The following DMRT1 variants were observed in gnomAD, a reference collection of about 807,000 sequenced individuals.
The protein encoded by DMRT1 is doublesex- and mab-3-related transcription factor 1.
A neutral mutation model predicts 32.3 loss-of-function variants in DMRT1; 7 were observed. The ratio of observed to expected loss-of-function variants is 0.22; its 90% CI spans 0.12 to 0.41. The LOEUF is 0.41. Among genes scored for constraint, DMRT1 ranks in the 10% least tolerant of loss-of-function variants. The pLI is 1.00. For synonymous variants in DMRT1, 278 were observed against 206.1 expected, an observed-to-expected ratio of 1.35 and a Z score of -2.99; for missense variants, 625 against 500.5, an observed-to-expected ratio of 1.25 and a Z score of -2.37.
chr9:885,922 A>G (rs944621703), intron 2 of DMRT1, among the ~76,000 whole-genome samples: 2 of 152,164 alleles, frequency 1.3e-5, no homozygotes, highest in Admixed American at 6.5e-5. Flanking sequence ...GCTTTCTGTT[A>G]TTATTCATTA....
intron 3 of DMRT1, 70 bp downstream of exon 3, chr9:894,265 A>T: frequency 6.7e-7 from 1 of 1,497,848 alleles, no homozygotes; most frequent in Admixed American, 1.7e-5. Context: ...ACACATGCAC[A>T]TACACACAGA....
chr9:844,595 TC>T (rs1263727489), intron 1 of DMRT1, among the ~76,000 whole-genome samples: 1 of 152,124 alleles, frequency 6.6e-6, no homozygotes, highest in African/African-American at 2.4e-5. Flanking sequence ...GATGAATTTT[TC>T]TAAGTCGAAG....
At chr9:843,120 G>A (rs972663923) in intron 1 of DMRT1, among the ~76,000 whole-genome samples, 4 of 152,226 alleles carry the variant, frequency 2.6e-5, no homozygotes, top group African/African-American at 7.2e-5. Context: ...AGCGTCCCCA[G>A]AATCTCTGAC....
intron 4 of DMRT1, among the ~76,000 whole-genome samples, chr9:923,499 A>T (rs1407766010): frequency 6.6e-6 from 1 of 152,060 alleles, no homozygotes; most frequent in Non-Finnish European, 1.5e-5. Flanking sequence ...ATGGTGTCTG[A>T]TGTGCAAACA....
At chr9:962,273 A>T (rs550921864) in intron 4 of DMRT1, among the ~76,000 whole-genome samples, 88 of 152,126 alleles carry the variant, frequency 5.8e-4, no homozygotes, top group African/African-American at 2.0e-3. Context: ...CAGTGGGAGG[A>T]AAGTTCCCAC....
chr9:911,256 T>G (rs1325842398), intron 3 of DMRT1, among the ~76,000 whole-genome samples: 1 of 152,090 alleles, frequency 6.6e-6, no homozygotes, highest in Non-Finnish European at 1.5e-5. Flanking sequence ...CAAAAGCGTC[T>G]CCAGATGTTG....
chr9:945,163 CTTT>C (rs1190808529), intron 4 of DMRT1, among the ~76,000 whole-genome samples: 4 of 151,752 alleles, frequency 2.6e-5, no homozygotes, highest in African/African-American at 9.7e-5. Context: ...TTCTTTCTTT[CTTT>C]TTTTTGACAT....
intron 2 of DMRT1, among the ~76,000 whole-genome samples, chr9:851,139 C>T (rs1052937524): frequency 2.0e-5 from 3 of 151,942 alleles, no homozygotes; most frequent in African/African-American, 7.3e-5. Context: ...AACCTACCAA[C>T]CTGGCACACC....
intron 4 of DMRT1, among the ~76,000 whole-genome samples, chr9:928,812 G>C (rs1325932131): frequency 2.6e-5 from 4 of 151,776 alleles, no homozygotes; most frequent in South Asian, 2.1e-4. Context: ...AAAATTATTT[G>C]TTTCTGAAAT....
chr9:897,271 C>A (rs58861943), intron 3 of DMRT1, among the ~76,000 whole-genome samples: 1 of 151,732 alleles, frequency 6.6e-6, no homozygotes, highest in South Asian at 2.1e-4. Flanking sequence ...TGCCATCACG[C>A]GTGGCTATTT....
At chr9:912,734 A>G (rs1254554765) in intron 3 of DMRT1, among the ~76,000 whole-genome samples, 2 of 152,060 alleles carry the variant, frequency 1.3e-5, no homozygotes, top group Non-Finnish European at 2.9e-5. Context: ...CTTCCAAGGT[A>G]TATGGACGAT....
At chr9:919,012 C>T (rs1818271766) in intron 4 of DMRT1, among the ~76,000 whole-genome samples, 1 of 151,982 alleles carries the variant, frequency 6.6e-6, no homozygotes, top group African/African-American at 2.4e-5. Flanking sequence ...GCATGTTAGC[C>T]CTTCTGGGAG....
chr9:866,163 CAAAAAAAAA>C (rs71327351), intron 2 of DMRT1, among the ~76,000 whole-genome samples: 3 of 52,682 alleles, frequency 5.7e-5, no homozygotes, highest in South Asian at 1.2e-3. Context: ...GAGTCCATCT[CAAAAAAAAA>C]AAAAAAAAAA....
At chr9:846,815 G>C (rs936012344) in intron 1 of DMRT1, 145 bp from the exon 2 acceptor site, 5 of 973,216 alleles carry the variant, frequency 5.1e-6, no homozygotes, top group Non-Finnish European at 8.1e-6. Context: ...ATAGTTACCT[G>C]GGTGGGTTTA....
At chr9:915,422 T>A (rs10816042) in intron 3 of DMRT1, among the ~76,000 whole-genome samples, 27,839 of 152,068 alleles carry the variant, frequency 0.18, 3,379 homozygotes, top group African/African-American at 0.34. Context: ...GCTTCTTATA[T>A]AAAAGCTATC....
At chr9:845,994 C>A (rs890880744) in intron 1 of DMRT1, among the ~76,000 whole-genome samples, 8 of 148,906 alleles carry the variant, frequency 5.4e-5, no homozygotes, top group Non-Finnish European at 1.2e-4. Flanking sequence ...CTCAGTTTGC[C>A]TTTTGTTGTA....
At chr9:888,549 C>G (rs1191743011) in intron 2 of DMRT1, among the ~76,000 whole-genome samples, 1 of 152,150 alleles carries the variant, frequency 6.6e-6, no homozygotes, top group Non-Finnish European at 1.5e-5. Flanking sequence ...AACCTTGTAC[C>G]TCGGCCTCCC....
intron 1 of DMRT1, 97 bp from the exon 2 acceptor site, chr9:846,863 C>A: frequency 7.0e-7 from 1 of 1,423,808 alleles, no homozygotes; most frequent in Non-Finnish European, 9.9e-7. Flanking sequence ...ACCTCCAGAG[C>A]TAGTGAATCA....
chr9:875,581 A>G (rs1816462048), intron 2 of DMRT1, among the ~76,000 whole-genome samples: 1 of 152,210 alleles, frequency 6.6e-6, no homozygotes, highest in African/African-American at 2.4e-5. Flanking sequence ...GAGGAAAATG[A>G]AAATATATGG....
Sources: allele counts gnomAD v4.1 joint callset (sites outside exome capture counted in the v4.1 genomes callset), GRCh38; gene constraint gnomAD v4.1.1; transcripts MANE v1.5; gene names NCBI Gene and HGNC (gene_info 2026-07-23, HGNC 2026-07-21).